The following WDR82 variants were observed in gnomAD, a reference collection of about 807,000 sequenced individuals.
The protein encoded by WDR82 is WD repeat-containing protein 82.
A neutral mutation model predicts 36.1 loss-of-function variants in WDR82; 8 were observed. That is an observed-to-expected ratio of 0.22 (90% CI 0.13 to 0.40). The LOEUF (loss-of-function observed/expected upper bound fraction) is 0.40, where lower values mean the gene tolerates loss of function less well. Ranked by LOEUF, WDR82 falls within the 10% of genes least tolerant of loss-of-function variation. The probability of loss-of-function intolerance (pLI) is 1.00; values close to 1 mark genes in which losing one functional copy is unlikely to be tolerated. For missense variants in WDR82, 185 were observed against 400.5 expected, an observed-to-expected ratio of 0.46 and a Z score of 4.59; for synonymous variants, 129 against 137.8, an observed-to-expected ratio of 0.94 and a Z score of 0.45.
At chr3:52,271,227 G>A (rs1700150748) in intron 1 of WDR82, among the ~76,000 whole-genome samples, 1 of 152,144 alleles carries the variant, frequency 6.6e-6, no homozygotes, top group Non-Finnish European at 1.5e-5. Flanking sequence ...CCCTTAAACT[G>A]TTTTACGGCA....
chr3:52,270,263 G>A (rs1700141648), intron 2 of WDR82, among the ~76,000 whole-genome samples: 1 of 152,130 alleles, frequency 6.6e-6, no homozygotes, highest in African/African-American at 2.4e-5. Context: ...GGGATTATAG[G>A]CGTGCACCAC....
intron 2 of WDR82, chr3:52,268,432 T>C (rs1047848617): frequency 2.2e-6 from 1 of 449,022 alleles, no homozygotes; most frequent in South Asian, 1.6e-5. Context: ...AAAGGGAACA[T>C]CCTCACAGCA....
At chr3:52,275,051 G>A (rs1399385702) in intron 1 of WDR82, among the ~76,000 whole-genome samples, 6 of 151,836 alleles carry the variant, frequency 4.0e-5, no homozygotes, top group Non-Finnish European at 8.8e-5. Context: ...GAGAAATCCC[G>A]CATCTACTAA....
intron 1 of WDR82, among the ~76,000 whole-genome samples, chr3:52,272,582 A>G (rs952746466): frequency 4.6e-5 from 7 of 151,330 alleles, no homozygotes; most frequent in Admixed American, 2.0e-4. Context: ...TGAGACTTAA[A>G]TATCTATGTA....
At position 52,278,600 on chromosome 3, in the gene WDR82, G is replaced by A; in HGVS notation, c.-239C>T. The A allele has an allele frequency of 2.5e-6, 1 of 403,326 alleles. No individual in the cohort carries two copies. Among genetic ancestry groups the A allele is most frequent in the Non-Finnish European group, 4.3e-6 (1 of 230,702 alleles). The allele number at this position is 403,326 out of a possible 1,614,324, so 25.0% of individuals were successfully genotyped here. On this transcript the variant is annotated 5_prime_UTR_variant, in exon 1 of 9. In the 5' UTR this introduces an upstream ATG that the reference lacks. Coordinates refer to ENST00000296490, the MANE Select transcript of WDR82 (RefSeq NM_025222.4). ...CAGCCACCTCACGGACAACCGGCGC[G>A]TCGCCGGCTCATTGTGTCCGCCATT...
intron 2 of WDR82, among the ~76,000 whole-genome samples, chr3:52,269,306 C>T (rs541300645): frequency 1.3e-5 from 2 of 152,032 alleles, no homozygotes; most frequent in East Asian, 3.9e-4. Context: ...GAAGTCCCAA[C>T]TCTACTAAAA....
chr3:52,272,507 G>A lies in WDR82; in HGVS notation c.162-1698C>T, dbSNP rs530773789. On this transcript the variant is annotated intron_variant, in intron 1 of 8. Coordinates refer to ENST00000296490, the MANE Select transcript of WDR82 (RefSeq NM_025222.4). ...TGTAGTGAGCTGAGATCGCGCCACT[G>A]CACTCTAGCCTGGGCAACAGAGCAA... Among the ~76,000 whole-genome samples, 50 of 146,752 alleles carry A rather than the reference G, an allele frequency of 3.4e-4. 2 individuals carry two copies. In the South Asian group the frequency reaches 9.8e-3, roughly 29 times the overall value.
At chr3:52,265,145 A>G (rs1700093997) in intron 3 of WDR82, among the ~76,000 whole-genome samples, 1 of 151,608 alleles carries the variant, frequency 6.6e-6, no homozygotes, top group African/African-American at 2.4e-5. Context: ...CTAAAAATAC[A>G]AAAAACTAGC....
chr3:52,259,655 A>G, intron 6 of WDR82, 62 bp downstream of exon 6: 3 of 1,554,676 alleles, frequency 1.9e-6, no homozygotes, highest in Non-Finnish European at 2.6e-6. Flanking sequence ...ACCAGCTAAC[A>G]TAATTCTTAG....
intron 1 of WDR82, among the ~76,000 whole-genome samples, chr3:52,274,694 A>C (rs934513489): frequency 2.0e-5 from 3 of 151,560 alleles, no homozygotes; most frequent in Admixed American, 1.3e-4. Context: ...ACTTGAGGTA[A>C]GATGTTGAGA....
rs1700146592 is a variant in WDR82 at position 52,270,821 on chromosome 3, A to G, written c.162-12T>C. On this transcript the variant is annotated splice_polypyrimidine_tract_variant and intron_variant, in intron 1 of 8. Coordinates refer to ENST00000296490, the MANE Select transcript of WDR82 (RefSeq NM_025222.4). ...GGGTTCTCTTTGGTCTGATAAGAAA[A>G]TAGAGACAGAAAATCATGAACATTC... 6.4e-7 allele frequency: 1 copy of G among 1,562,970 alleles called. No individual in the cohort carries two copies. Among genetic ancestry groups the G allele is most frequent in the East Asian group, 2.3e-5 (1 of 43,988 alleles).
chr3:52,259,288 C>A (rs372738087), intron 6 of WDR82, 22 bp from the exon 7 acceptor site: 1 of 1,612,134 alleles, frequency 6.2e-7, no homozygotes, highest in African/African-American at 1.3e-5. Flanking sequence ...CAGAGCAGTT[C>A]TTTTGTTCTT....
chr3:52,268,188 A>G (rs572385078), intron 2 of WDR82: 1 of 383,702 alleles, frequency 2.6e-6, no homozygotes, highest in East Asian at 7.6e-5. Context: ...CCTAAGAAGA[A>G]AAAGACTTCC....
chr3:52,256,627 T>C lies in WDR82; in HGVS notation c.*863A>G, dbSNP rs1001977513. ...TACTGGCCCACAGGTAAGTGTGATGTATCTCATGTACAAAAATAGACTCCC... is the reference window on the plus strand; with the variant it reads ...TACTGGCCCACAGGTAAGTGTGATGCATCTCATGTACAAAAATAGACTCCC... On this transcript the variant is annotated 3_prime_UTR_variant, in exon 9 of 9. Transcript: ENST00000296490. 4 of 153,716 alleles carry C rather than the reference T, an allele frequency of 2.6e-5. No individual in the cohort carries two copies. The highest frequency in any genetic ancestry group is 9.7e-5 in the African/African-American group (4 of 41,412). 9.5% of individuals were successfully genotyped at this position (153,716 alleles called of 1,614,324 possible).
chr3:52,261,674 T>G (rs1700063028), intron 3 of WDR82, among the ~76,000 whole-genome samples, 195 bp from the exon 4 acceptor site: 1 of 151,880 alleles, frequency 6.6e-6, no homozygotes, highest in Admixed American at 6.6e-5. Context: ...AAAAAAAAAT[T>G]TAAAGCTACA....
chr3:52,264,100 T>C (rs58531656), intron 3 of WDR82, among the ~76,000 whole-genome samples: 25,126 of 151,900 alleles, frequency 0.17, 2,869 homozygotes, highest in African/African-American at 0.32. Context: ...GAGGTGGAGG[T>C]TGCAGTGAGC....
At chr3:52,266,418 C>T (rs1389552722) in intron 3 of WDR82, among the ~76,000 whole-genome samples, 1 of 151,912 alleles carries the variant, frequency 6.6e-6, no homozygotes, top group African/African-American at 2.4e-5. Context: ...AATAGATATA[C>T]CTATAACTAG....
At chr3:52,262,630 C>T (rs1700071367) in intron 3 of WDR82, among the ~76,000 whole-genome samples, 1 of 152,214 alleles carries the variant, frequency 6.6e-6, no homozygotes, top group Non-Finnish European at 1.5e-5. Flanking sequence ...TTGGGCACCA[C>T]ACCTAGAGAA....
intron 1 of WDR82, among the ~76,000 whole-genome samples, chr3:52,273,752 G>A (rs933243635): frequency 6.6e-6 from 1 of 152,158 alleles, no homozygotes; most frequent in Non-Finnish European, 1.5e-5. Context: ...CTCCTGAGTA[G>A]CTGGGATTAC....
Sources: allele counts gnomAD v4.1 joint callset (sites outside exome capture counted in the v4.1 genomes callset), GRCh38; gene constraint gnomAD v4.1.1; transcripts MANE v1.5; gene names NCBI Gene and HGNC (gene_info 2026-07-23, HGNC 2026-07-21).